RBMS3: variants seen among roughly 807,000 people sequenced by gnomAD.
RBMS3 encodes RNA binding motif single stranded interacting protein 3.
Under a neutral mutation model 66.8 loss-of-function variants are expected in RBMS3, and 27 were observed. That is an observed-to-expected ratio of 0.40 (90% CI 0.30 to 0.56). The LOEUF (loss-of-function observed/expected upper bound fraction) is 0.56. Among genes scored for constraint, RBMS3 ranks in the 20% least tolerant of loss-of-function variants. The probability of loss-of-function intolerance (pLI) is 0.40; values close to 1 mark genes in which losing one functional copy is unlikely to be tolerated. For synonymous variants in RBMS3, 188 were observed against 183.0 expected (o/e 1.03, Z -0.22); for missense variants, 513 against 549.5 (o/e 0.93, Z 0.66).
At chr3:29,438,879 T>C (rs1221278156) in intron 2 of RBMS3, among the ~76,000 whole-genome samples, 1 of 152,158 alleles carries the variant, frequency 6.6e-6, no homozygotes, top group African/African-American at 2.4e-5. Flanking sequence ...GATAAAAAAT[T>C]GCAACTGTAA....
intron 5 of RBMS3, among the ~76,000 whole-genome samples, chr3:29,761,365 C>A (rs1243905528): frequency 1.3e-5 from 2 of 152,066 alleles, no homozygotes; most frequent in East Asian, 1.9e-4. Context: ...ACTTGTTAAA[C>A]AAGTGATACA....
At chr3:29,533,549 A>G (rs1335642156) in intron 3 of RBMS3, among the ~76,000 whole-genome samples, 1 of 152,104 alleles carries the variant, frequency 6.6e-6, no homozygotes, top group East Asian at 1.9e-4. Flanking sequence ...AGGTTTCAGC[A>G]GGTGGATCAC....
intron 12 of RBMS3, among the ~76,000 whole-genome samples, chr3:29,949,885 T>A (rs962595261): frequency 2.6e-5 from 4 of 151,836 alleles, no homozygotes. Flanking sequence ...CCTATACTTT[T>A]AGAAATTTAG....
At chr3:29,454,045 A>G (rs186625345) in intron 2 of RBMS3, among the ~76,000 whole-genome samples, 1 of 152,280 alleles carries the variant, frequency 6.6e-6, no homozygotes, top group East Asian at 1.9e-4. Flanking sequence ...TGTATTTCCA[A>G]AGTGGAAAAA....
At chr3:29,742,788 C>T (rs1214436663) in intron 5 of RBMS3, among the ~76,000 whole-genome samples, 1 of 152,050 alleles carries the variant, frequency 6.6e-6, no homozygotes, top group Non-Finnish European at 1.5e-5. Context: ...TCATAATTAC[C>T]GTTCTGTGAA....
chr3:29,295,007 A>T (rs761869825), intron 1 of RBMS3, among the ~76,000 whole-genome samples: 3 of 151,622 alleles, frequency 2.0e-5, no homozygotes, highest in Non-Finnish European at 4.4e-5. Flanking sequence ...TTCCCTGTAC[A>T]ATTACCTACG....
rs1304472798 is a variant in RBMS3 at position 29,832,600 on chromosome 3, A to AAGCAAGT, written c.638-36255_638-36249dup. 4.6e-5 allele frequency among the ~76,000 whole-genome samples: 7 copies of AAGCAAGT among 152,208 alleles called. No individual in the cohort carries two copies. In the East Asian group the frequency reaches 5.8e-4, roughly 13 times the overall value. Reference sequence around the variant, plus strand: ...TGCAATTTTTCCCATACGTAAAAACAAGCAAGTAGTTAGTAAGTGTCCAGT... The same window carrying AAGCAAGT: ...TGCAATTTTTCCCATACGTAAAAACAAGCAAGTAGCAAGTAGTTAGTAAGTGTCCAGT... On this transcript the variant is annotated intron_variant, in intron 6 of 14. Coordinates refer to ENST00000383767, the MANE Select transcript of RBMS3 (RefSeq NM_001003793.3).
At chr3:29,935,053 G>A (rs2061230525) in intron 10 of RBMS3, among the ~76,000 whole-genome samples, 1 of 151,940 alleles carries the variant, frequency 6.6e-6, no homozygotes, top group South Asian at 2.1e-4. Context: ...TATTTAAATG[G>A]GTTGTTATAA....
At chr3:29,323,531 G>A (rs931823434) in intron 1 of RBMS3, among the ~76,000 whole-genome samples, 3 of 151,956 alleles carry the variant, frequency 2.0e-5, no homozygotes, top group African/African-American at 2.4e-5. Context: ...GCCTAAAAAT[G>A]CAGGTTTAAC....
Position 29,539,621 on chromosome 3 carries a change from A to T in RBMS3, c.308-47493A>T, listed in dbSNP as rs565951451. 2.0e-5 allele frequency among the ~76,000 whole-genome samples: 3 copies of T among 152,316 alleles called. No homozygotes were observed. The East Asian group carries it at 5.8e-4, about 29-fold the overall frequency. On this transcript the variant is annotated intron_variant, in intron 3 of 14. Coordinates refer to ENST00000383767, the MANE Select transcript of RBMS3 (RefSeq NM_001003793.3). Reference sequence around the variant, plus strand: ...CAGGTATCAAGTACCCGAGTTTTTAATACATGAACTCTGAGACTTCTCTCT... The same window carrying T: ...CAGGTATCAAGTACCCGAGTTTTTATTACATGAACTCTGAGACTTCTCTCT...
intron 3 of RBMS3, among the ~76,000 whole-genome samples, chr3:29,543,940 A>G (rs1015247198): frequency 6.6e-6 from 1 of 152,112 alleles, no homozygotes; most frequent in African/African-American, 2.4e-5. Context: ...TAATAAAAGT[A>G]TTAGAAGGAG....
chr3:29,410,692 G>C (rs1266931618), intron 1 of RBMS3, among the ~76,000 whole-genome samples: 1 of 152,158 alleles, frequency 6.6e-6, no homozygotes, highest in Non-Finnish European at 1.5e-5. Flanking sequence ...ATTCTGAATA[G>C]AAAGTACATA....
At chr3:29,516,396 A>G (rs2044623241) in intron 3 of RBMS3, among the ~76,000 whole-genome samples, 1 of 152,188 alleles carries the variant, frequency 6.6e-6, no homozygotes, top group Admixed American at 6.5e-5. Flanking sequence ...CTAAGAAAAC[A>G]CATAGAGTGG....
intron 3 of RBMS3, among the ~76,000 whole-genome samples, chr3:29,520,122 A>T (rs1427604931): frequency 6.6e-6 from 1 of 152,182 alleles, no homozygotes; most frequent in African/African-American, 2.4e-5. Flanking sequence ...CATTCTAATG[A>T]TCTAGACATA....
intron 1 of RBMS3, among the ~76,000 whole-genome samples, chr3:29,292,481 T>C (rs1488030494): frequency 6.6e-6 from 1 of 151,900 alleles, no homozygotes; most frequent in Admixed American, 6.6e-5. Context: ...TGATCTGAGA[T>C]ACATTGACAG....
intron 11 of RBMS3, among the ~76,000 whole-genome samples, chr3:29,940,776 A>C (rs187957247): frequency 1.7e-4 from 25 of 149,964 alleles, no homozygotes; most frequent in African/African-American, 4.6e-4. Flanking sequence ...AAAAAAGTGC[A>C]TCTTATGCAA....
chr3:29,717,612 G>A (rs1263119812), intron 4 of RBMS3, among the ~76,000 whole-genome samples: 5 of 151,912 alleles, frequency 3.3e-5, no homozygotes, highest in Middle Eastern at 3.2e-3. Context: ...ATCTGTTAAC[G>A]TTTTTGTAGA....
At chr3:29,471,736 T>C (rs1575920207) in intron 2 of RBMS3, among the ~76,000 whole-genome samples, 1 of 148,738 alleles carries the variant, frequency 6.7e-6, no homozygotes, top group African/African-American at 2.5e-5. Context: ...TTTTTTTTTT[T>C]TGGTAATTAC....
intron 4 of RBMS3, among the ~76,000 whole-genome samples, chr3:29,731,511 T>C (rs762717073): frequency 6.6e-6 from 1 of 152,136 alleles, no homozygotes; most frequent in Non-Finnish European, 1.5e-5. Context: ...AGAGGGCATG[T>C]TTTTAGGTAC....
Sources: gnomAD v4.1 joint callset for allele counts (sites outside exome capture counted in the v4.1 genomes callset) on GRCh38, gnomAD v4.1.1 for gene constraint, MANE v1.5 for transcripts, NCBI Gene and HGNC (gene_info 2026-07-23, HGNC 2026-07-21) for gene names.